The following DCX variants were observed in gnomAD, a reference collection of about 807,000 sequenced individuals.
DCX encodes the protein doublecortin.
DCX carries 4 observed loss-of-function variants against 20.9 expected under a neutral mutation model. The observed-to-expected ratio is 0.19, with a 90% CI of 0.09 to 0.44. The LOEUF is 0.44. Ranked by LOEUF, DCX falls within the 20% of genes least tolerant of loss-of-function variation. The pLI is 0.99. For missense variants in DCX, 133 were observed against 296.9 expected (o/e 0.45, Z 4.06); for synonymous variants, 103 against 111.4 (o/e 0.92, Z 0.47).
intron 3 of DCX, among the ~76,000 whole-genome samples, chrX:111,372,346 T>C (rs1480327660): frequency 8.0e-5 from 9 of 111,978 alleles, no homozygotes; most frequent in Non-Finnish European, 1.1e-4. Flanking sequence ...ATCATCGGCA[T>C]CAGCTCTGAC....
At chrX:111,326,519 T>C (rs1245308768) in intron 5 of DCX, among the ~76,000 whole-genome samples, 2 of 111,944 alleles carry the variant, frequency 1.8e-5, no homozygotes, top group African/African-American at 6.5e-5. Context: ...TGCATAAGCT[T>C]TTTTCAAATA....
chrX:111,318,145 A>T (rs1322114101), intron 5 of DCX, among the ~76,000 whole-genome samples: 2 of 100,915 alleles, frequency 2.0e-5, no homozygotes, highest in Non-Finnish European at 4.0e-5. Flanking sequence ...AGATCATGCC[A>T]CTACACTCCA....
chrX:111,379,557 A>G (rs139118475), intron 3 of DCX, among the ~76,000 whole-genome samples: 134 of 111,984 alleles, frequency 1.2e-3, no homozygotes, highest in African/African-American at 4.1e-3. Context: ...TTGATTTTTT[A>G]TGCCTGAATA....
At chrX:111,337,640 G>C (rs1921858926) in intron 3 of DCX, among the ~76,000 whole-genome samples, 1 of 112,152 alleles carries the variant, frequency 8.9e-6, no homozygotes, top group South Asian at 3.7e-4. Flanking sequence ...TTTTGAACAT[G>C]CCTGGTTCTA....
intron 3 of DCX, among the ~76,000 whole-genome samples, chrX:111,371,877 G>A (rs547430276): frequency 1.8e-5 from 2 of 108,686 alleles, no homozygotes; most frequent in African/African-American, 6.7e-5. Flanking sequence ...AAACTACTAT[G>A]TATTAATTAT....
At chrX:111,302,554 TAC>T (rs1474934075) in intron 6 of DCX, among the ~76,000 whole-genome samples, 1 of 112,317 alleles carries the variant, frequency 8.9e-6, no homozygotes, top group African/African-American at 3.2e-5. Context: ...CTATACCATT[TAC>T]AGTCTCACCT....
At chrX:111,351,875 T>G (rs1923338118) in intron 3 of DCX, among the ~76,000 whole-genome samples, 1 of 111,599 alleles carries the variant, frequency 9.0e-6, no homozygotes, top group Non-Finnish European at 1.9e-5. Flanking sequence ...CAGGCGCAAG[T>G]CACCAGGCCC....
chrX:111,316,864 C>A (rs1451051213), intron 5 of DCX, among the ~76,000 whole-genome samples: 9 of 109,235 alleles, frequency 8.2e-5, no homozygotes, highest in Non-Finnish European at 1.7e-4. Context: ...ATACAGCTAA[C>A]CAGGGAGGTG....
chrX:111,363,705 A>G (rs1199866843), intron 3 of DCX, among the ~76,000 whole-genome samples: 1 of 111,154 alleles, frequency 9.0e-6, no homozygotes, highest in African/African-American at 3.3e-5. Flanking sequence ...CGCATTTCAC[A>G]TATTATACAT....
chrX:111,332,225 G>T (rs1462512552), intron 4 of DCX, among the ~76,000 whole-genome samples: 1 of 112,291 alleles, frequency 8.9e-6, no homozygotes, highest in Non-Finnish European at 1.9e-5. Context: ...GATACAGAAG[G>T]TATAGGAAAT....
Position 111,298,389 on chromosome X carries a change from T to A in DCX, c.*3298A>T, listed in dbSNP as rs2095026323. 8.9e-6 allele frequency: 1 copy of A among 111,937 alleles called. No individual in the cohort carries two copies. Among genetic ancestry groups the A allele is most frequent in the Non-Finnish European group, 1.9e-5 (1 of 53,197 alleles). The allele number at this position is 111,937 out of a possible 1,213,427, so 9.2% of individuals were successfully genotyped here. A position where few individuals can be genotyped will look rare whatever the true frequency, so the allele number is the denominator to read the frequency against. Reference sequence around the variant, plus strand: ...CCCATGTGGATGGGAACCAGGTGAATGCAGGGAAAAGGGGCTGTATTAGGT... The same window carrying A: ...CCCATGTGGATGGGAACCAGGTGAAAGCAGGGAAAAGGGGCTGTATTAGGT... On this transcript the variant is annotated 3_prime_UTR_variant, in exon 7 of 7. Transcript: ENST00000636035.
At chrX:111,334,132 G>A (rs1300489731) in intron 3 of DCX, among the ~76,000 whole-genome samples, 1 of 112,403 alleles carries the variant, frequency 8.9e-6, no homozygotes, top group African/African-American at 3.2e-5. Flanking sequence ...ACAGCTTGCT[G>A]GGTGCAGAGA....
intron 5 of DCX, among the ~76,000 whole-genome samples, chrX:111,325,178 C>A (rs1318256080): frequency 9.0e-6 from 1 of 111,294 alleles, no homozygotes; most frequent in Non-Finnish European, 1.9e-5. Flanking sequence ...CAAAGCAGCA[C>A]AAAGGAAATG....
At chrX:111,307,977 A>G (rs2095049289) in intron 6 of DCX, among the ~76,000 whole-genome samples, 1 of 111,996 alleles carries the variant, frequency 8.9e-6, no homozygotes, top group Non-Finnish European at 1.9e-5. Context: ...GATGCAGAAG[A>G]TGGAGAGAAT....
At chrX:111,359,922 T>C (rs1042984097) in intron 3 of DCX, among the ~76,000 whole-genome samples, 7 of 111,857 alleles carry the variant, frequency 6.3e-5, no homozygotes, top group Non-Finnish European at 1.1e-4. Context: ...TTATAAAGCC[T>C]TTGGGATGGA....
At chrX:111,318,202 A>G (rs1332136938) in intron 5 of DCX, among the ~76,000 whole-genome samples, 2 of 105,700 alleles carry the variant, frequency 1.9e-5, no homozygotes, top group Non-Finnish European at 3.9e-5. Flanking sequence ...AAAAAAAAAA[A>G]AAGTAAAAAA....
intron 6 of DCX, among the ~76,000 whole-genome samples, chrX:111,308,861 C>A: frequency 9.2e-6 from 1 of 108,648 alleles, no homozygotes. Context: ...CCTTACGTTT[C>A]TAGATTTTTT....
At chrX:111,359,036 T>C (rs959316188) in intron 3 of DCX, among the ~76,000 whole-genome samples, 8 of 111,676 alleles carry the variant, frequency 7.2e-5, no homozygotes, top group African/African-American at 1.6e-4. Context: ...AAAATCTCTA[T>C]AGAACTTTAA....
chrX:111,309,808 G>A (rs1376102997), intron 6 of DCX, among the ~76,000 whole-genome samples: 1 of 111,882 alleles, frequency 8.9e-6, no homozygotes, highest in Non-Finnish European at 1.9e-5. Context: ...CTTGCAACAT[G>A]TGATTCTAGA....
Sources: allele counts gnomAD v4.1 joint callset (sites outside exome capture counted in the v4.1 genomes callset), GRCh38; gene constraint gnomAD v4.1.1; transcripts MANE v1.5; gene names NCBI Gene and HGNC (gene_info 2026-07-23, HGNC 2026-07-21).